The following SYNPR variants were observed in gnomAD, a reference collection of about 807,000 sequenced individuals.
SYNPR encodes synaptoporin.
A neutral mutation model predicts 32.9 loss-of-function variants in SYNPR; 23 were observed. The observed-to-expected ratio is 0.70, with a 90% confidence interval of 0.50 to 0.99. The LOEUF is 0.99. Ranked by LOEUF, SYNPR falls within the 50% of genes least tolerant of loss-of-function variation. SYNPR has a pLI of 0.00. For missense variants in SYNPR, 318 were observed against 349.3 expected, an observed-to-expected ratio of 0.91 and a Z score of 0.71; for synonymous variants, 146 against 135.9, an observed-to-expected ratio of 1.07 and a Z score of -0.52.
chr3:63,407,637 T>C (rs1287621343), intron 2 of SYNPR, among the ~76,000 whole-genome samples: 1 of 152,176 alleles, frequency 6.6e-6, no homozygotes, highest in Non-Finnish European at 1.5e-5. Flanking sequence ...ATCATATATA[T>C]TTTTTCAACA....
chr3:63,562,181 C>A (rs1009876906), intron 4 of SYNPR, among the ~76,000 whole-genome samples: 7 of 152,138 alleles, frequency 4.6e-5, no homozygotes, highest in Admixed American at 4.6e-4. Flanking sequence ...CAATCTCCTG[C>A]CTAGGTTACT....
intron 2 of SYNPR, among the ~76,000 whole-genome samples, chr3:63,469,255 T>C (rs1700749870): frequency 6.6e-6 from 1 of 152,056 alleles, no homozygotes; most frequent in African/African-American, 2.4e-5. Flanking sequence ...ATTCAGTCAT[T>C]CTGTATTATC....
At chr3:63,597,959 A>C (rs1163994268) in intron 4 of SYNPR, among the ~76,000 whole-genome samples, 2 of 152,162 alleles carry the variant, frequency 1.3e-5, no homozygotes, top group African/African-American at 4.8e-5. Context: ...GTGTTTCCTG[A>C]TCCATAGTGT....
At chr3:63,534,595 T>C (rs1482014307) in intron 3 of SYNPR, among the ~76,000 whole-genome samples, 1 of 152,208 alleles carries the variant, frequency 6.6e-6, no homozygotes, top group Non-Finnish European at 1.5e-5. Context: ...ACAGTTAGTG[T>C]TGCTATAACA....
chr3:63,346,210 C>A (rs1223866600), intron 2 of SYNPR, among the ~76,000 whole-genome samples: 1 of 152,122 alleles, frequency 6.6e-6, no homozygotes, highest in East Asian at 1.9e-4. Context: ...AAGCTCTTCA[C>A]TTTTTACATG....
rs540929795 is a variant in SYNPR, at chr3:63,259,384, T to G, written n.154+6798T>G. ...AAAAAGCTTATCCACCATGATCAAGTGGGCTTCATCCCTGGGATGCAAGGC... is the reference window on the plus strand; with the variant it reads ...AAAAAGCTTATCCACCATGATCAAGGGGGCTTCATCCCTGGGATGCAAGGC... On this transcript the variant is annotated intron_variant and non_coding_transcript_variant, in intron 2 of 4. Transcript: ENST00000478456. Among the ~76,000 whole-genome samples the G allele has an allele frequency of 3.3e-5, 5 of 152,262 alleles. No homozygotes were observed. The South Asian group carries it at 1.0e-3, about 32-fold the overall frequency.
At chr3:63,465,441 AAACT>A (rs770984648) in intron 2 of SYNPR, among the ~76,000 whole-genome samples, 4 of 152,140 alleles carry the variant, frequency 2.6e-5, no homozygotes, top group Non-Finnish European at 5.9e-5. Flanking sequence ...AAAAGCATGA[AAACT>A]ATATATATTG....
chr3:63,450,337 C>A (rs781046245), intron 2 of SYNPR, among the ~76,000 whole-genome samples: 1 of 152,154 alleles, frequency 6.6e-6, no homozygotes, highest in Non-Finnish European at 1.5e-5. Context: ...ACTATCTGAT[C>A]TCTTGCTGGT....
chr3:63,271,155 G>A (rs1366205630), intron 3 of SYNPR, among the ~76,000 whole-genome samples: 1 of 152,020 alleles, frequency 6.6e-6, no homozygotes, highest in East Asian at 1.9e-4. Flanking sequence ...TATTTGCCAA[G>A]CAGGTGTAAA....
the SYNPR span, among the ~76,000 whole-genome samples, chr3:63,204,906 T>G: frequency 7.2e-5 from 11 of 152,110 alleles, no homozygotes; most frequent in African/African-American, 2.7e-4. Flanking sequence ...CAGGCTGGTT[T>G]CAAACTCCTG....
At chr3:63,466,164 G>T (rs192356883) in intron 2 of SYNPR, among the ~76,000 whole-genome samples, 6 of 151,896 alleles carry the variant, frequency 4.0e-5, no homozygotes, top group Non-Finnish European at 8.8e-5. Flanking sequence ...GCAGTATTTG[G>T]TTTTCTGTTC....
At chr3:63,559,231 A>AC in intron 4 of SYNPR, among the ~76,000 whole-genome samples, 1 of 151,860 alleles carries the variant, frequency 6.6e-6, no homozygotes, top group East Asian at 1.9e-4. Context: ...GCACACCACC[A>AC]CACTCAGCTA....
At chr3:63,461,757 C>T (rs1374451426) in intron 2 of SYNPR, among the ~76,000 whole-genome samples, 1 of 151,880 alleles carries the variant, frequency 6.6e-6, no homozygotes, top group Admixed American at 6.6e-5. Context: ...ACTTATTCTG[C>T]ATGTGATGTT....
intron 1 of SYNPR, among the ~76,000 whole-genome samples, chr3:63,236,743 A>G (rs1463239851): frequency 6.6e-6 from 1 of 152,062 alleles, no homozygotes; most frequent in Non-Finnish European, 1.5e-5. Flanking sequence ...CTCACTTTCC[A>G]GTTCTAGGAG....
intron 3 of SYNPR, among the ~76,000 whole-genome samples, chr3:63,526,552 A>G (rs964178021): frequency 6.6e-6 from 1 of 152,152 alleles, no homozygotes; most frequent in Non-Finnish European, 1.5e-5. Context: ...ATTAAGGTGT[A>G]TGTTTATGAT....
chr3:63,346,222 A>T lies in SYNPR; in HGVS notation c.84+67480A>T, dbSNP rs139864588. On this transcript the variant is annotated intron_variant, in intron 2 of 5. Coordinates refer to ENST00000478300, the MANE Select transcript of SYNPR (RefSeq NM_001130003.2). ...TAAAAGCTCTTCACTTTTTACATGC[A>T]GAACTTTTCAGTCTTCCTGTGATCC... 2.3e-3 allele frequency among the ~76,000 whole-genome samples: 354 copies of T among 152,296 alleles called. 5 individuals carry two copies. Among genetic ancestry groups the T allele is most frequent in the African/African-American group, 8.2e-3 (341 of 41,544 alleles).
At chr3:63,534,544 T>C (rs976661568) in intron 3 of SYNPR, among the ~76,000 whole-genome samples, 2 of 152,208 alleles carry the variant, frequency 1.3e-5, no homozygotes, top group Admixed American at 1.3e-4. Flanking sequence ...TGCTAAGATC[T>C]TTACCTACAT....
intron 3 of SYNPR, among the ~76,000 whole-genome samples, chr3:63,270,752 G>A (rs976992554): frequency 6.6e-6 from 1 of 152,148 alleles, no homozygotes; most frequent in African/African-American, 2.4e-5. Flanking sequence ...GTTATAAGGA[G>A]CTTATCACAG....
In SYNPR at chr3:63,235,969, TA is replaced by T. The variant is rs1260809325; in HGVS notation, n.66+7590del. Among the ~76,000 whole-genome samples the T allele has an allele frequency of 2.6e-5, 4 of 152,204 alleles. No individual in the cohort carries two copies. The East Asian group carries it at 5.8e-4, about 22-fold the overall frequency. ...GCCCTGGATACTGAAGATTTTCTTA[TA>T]TTTTTTTCCAAAAAGTTTTATAGTT... On this transcript the variant is annotated intron_variant and non_coding_transcript_variant, in intron 1 of 4. Transcript: ENST00000478456.
Sources: gnomAD v4.1 joint callset for allele counts (sites outside exome capture counted in the v4.1 genomes callset) on GRCh38, gnomAD v4.1.1 for gene constraint, MANE v1.5 for transcripts, NCBI Gene and HGNC (gene_info 2026-07-23, HGNC 2026-07-21) for gene names.